Variants in CNBD1 observed in about 807,000 individuals in gnomAD.
CNBD1 encodes cyclic nucleotide binding domain containing 1.
In CNBD1, 71 loss-of-function variants were observed where a neutral mutation model predicts 54.4. The ratio of observed to expected loss-of-function variants is 1.30; its 90% confidence interval spans 1.08 to 1.59. The LOEUF is 1.59. CNBD1 is among the 40% of genes most tolerant of loss of function. The pLI is 0.00. For synonymous variants in CNBD1, 182 were observed against 170.7 expected, an observed-to-expected ratio of 1.07 and a Z score of -0.51; for missense variants, 659 against 518.0, an observed-to-expected ratio of 1.27 and a Z score of -2.64.
intron 10 of CNBD1, among the ~76,000 whole-genome samples, chr8:87,376,816 C>G (rs1259889431): frequency 6.6e-6 from 1 of 151,658 alleles, no homozygotes; most frequent in African/African-American, 2.4e-5. Context: ...GTATTGGAGC[C>G]AGAATTCGGA....
chr8:87,389,215 G>A lies in CNBD1; in HGVS notation c.213+35429G>A, dbSNP rs552731034. 1.0e-3 allele frequency among the ~76,000 whole-genome samples: 154 copies of A among 152,144 alleles called. 1 individual carries two copies. The highest frequency in any genetic ancestry group is 4.3e-3 in the Admixed American group (65 of 15,266). On this transcript the variant is annotated intron_variant, in intron 2 of 7. Coordinates refer to the CNBD1 transcript ENST00000521593. ...CAAGACAGGGATGCCCTCTCTCACC[G>A]CTGCTATTCAACATAGTGTTGGAAG... is the stretch of plus-strand genomic sequence containing the variant.
At chr8:87,192,886 C>T (rs1305622929) in intron 4 of CNBD1, among the ~76,000 whole-genome samples, 3 of 152,078 alleles carry the variant, frequency 2.0e-5, no homozygotes, top group Non-Finnish European at 4.4e-5. Flanking sequence ...TATGTGTGTT[C>T]ATATGTGTAT....
intron 4 of CNBD1, among the ~76,000 whole-genome samples, chr8:87,083,585 CTTTTTTTTTTTTTT>C (rs752855766): frequency 8.5e-6 from 1 of 117,162 alleles, no homozygotes; most frequent in African/African-American, 3.3e-5. Flanking sequence ...CAATGTATTT[CTTTTTTTTTTTTTT>C]TTTTTTTGAG....
At chr8:87,395,656 A>T (rs531194290) in intron 2 of CNBD1, among the ~76,000 whole-genome samples, 1 of 151,920 alleles carries the variant, frequency 6.6e-6, no homozygotes, top group African/African-American at 2.4e-5. Flanking sequence ...TATCACAGGC[A>T]TAAGAACACA....
chr8:87,059,786 C>G (rs1810504521), intron 4 of CNBD1, among the ~76,000 whole-genome samples: 1 of 152,194 alleles, frequency 6.6e-6, no homozygotes, highest in Admixed American at 6.5e-5. Flanking sequence ...CACAGCCAGA[C>G]CATATCAGGC....
At chr8:87,387,847 T>C (rs537640342), downstream of CNBD1, among the ~76,000 whole-genome samples, 45 of 152,278 alleles carry the variant, frequency 3.0e-4, no homozygotes, top group African/African-American at 1.0e-3. Flanking sequence ...ATTGACCACA[T>C]AGTTGGAAGT....
rs1036975470 is a variant in CNBD1 at position 87,328,355 on chromosome 8, T to C, written c.1043-23330T>C. On this transcript the variant is annotated intron_variant, in intron 8 of 10. Transcript: ENST00000518476. ...AATATAATTATTTTGTTTAATCTTTTAACTACTTTATTTAATATTTAATAC... is the reference window on the plus strand; with the variant it reads ...AATATAATTATTTTGTTTAATCTTTCAACTACTTTATTTAATATTTAATAC... Among the ~76,000 whole-genome samples the C allele has an allele frequency of 1.9e-4, 29 of 152,132 alleles. No individual in the cohort carries two copies. The East Asian group carries it at 5.0e-3, about 26-fold the overall frequency.
At chr8:87,231,629 A>ACT (rs112309164) in intron 5 of CNBD1, among the ~76,000 whole-genome samples, 3,355 of 152,208 alleles carry the variant, frequency 0.022, 111 homozygotes, top group African/African-American at 0.073. Flanking sequence ...TCTTGTGAAC[A>ACT]GATTTTTTTC....
At chr8:86,986,317 A>C (rs2130518373) in intron 4 of CNBD1, among the ~76,000 whole-genome samples, 1 of 152,294 alleles carries the variant, frequency 6.6e-6, no homozygotes, top group Admixed American at 6.5e-5. Context: ...TCTTCTTTTA[A>C]GAAGTATCTG....
intron 1 of CNBD1, among the ~76,000 whole-genome samples, chr8:86,870,189 C>CATTTTTTTTTTTTTTT (rs1554626453): frequency 9.9e-6 from 1 of 100,624 alleles, no homozygotes; most frequent in African/African-American, 4.0e-5. Context: ...AGATAGTACT[C>CATTTTTTTTTTTTTTT]TTTTTTTTTT....
In CNBD1 at chr8:87,182,895, T is replaced by A. The variant is rs1424257306; in HGVS notation, c.432-23098T>A. Among the ~76,000 whole-genome samples the A allele has an allele frequency of 2.0e-5, 3 of 152,192 alleles. No homozygotes were observed. The highest frequency in any genetic ancestry group is 4.4e-5 in the Non-Finnish European group (3 of 68,030). ...TTCTTTCTTTGTCCTGTGCAGAACCTCTTTGGTTTAATTAGGTTACACTTA... is the reference window on the plus strand; with the variant it reads ...TTCTTTCTTTGTCCTGTGCAGAACCACTTTGGTTTAATTAGGTTACACTTA... On this transcript the variant is annotated intron_variant, in intron 4 of 10. Transcript: ENST00000518476. The surrounding 1 kb of genome is among the most constrained non-coding windows in gnomAD (Gnocchi z 4.1).
At chr8:87,206,552 T>C (rs537196058) in intron 5 of CNBD1, among the ~76,000 whole-genome samples, 1 of 152,218 alleles carries the variant, frequency 6.6e-6, no homozygotes, top group South Asian at 2.1e-4. Flanking sequence ...AACAATATAG[T>C]GTTGATTTTC....
At chr8:87,394,693 C>G (rs1221977097) in intron 2 of CNBD1, among the ~76,000 whole-genome samples, 2 of 151,782 alleles carry the variant, frequency 1.3e-5, no homozygotes, top group Admixed American at 6.6e-5. Context: ...TTAGAGAGCA[C>G]CTATCCATGC....
rs560752696 is a variant in CNBD1, at chr8:87,027,111, G to A, written c.431+87357G>A. Among the ~76,000 whole-genome samples, 20 of 151,894 alleles carry A rather than the reference G, an allele frequency of 1.3e-4. 1 individual carries two copies. In the South Asian group the frequency reaches 2.5e-3, roughly 19 times the overall value. On this transcript the variant is annotated intron_variant, in intron 4 of 10. Coordinates refer to ENST00000518476, the MANE Select transcript of CNBD1 (RefSeq NM_173538.3). ...TTTTTAATAAGCCAATTTGGTAAAC[G>A]CAATATATAACATAATAAATGTACG...
chr8:87,348,763 G>A (rs752401730), intron 8 of CNBD1, among the ~76,000 whole-genome samples: 45 of 152,188 alleles, frequency 3.0e-4, no homozygotes, highest in Non-Finnish European at 5.0e-4. Context: ...CTAATAGCCA[G>A]TAGGGAATTA....
At chr8:87,427,539 G>A (rs1808070680) in intron 2 of CNBD1, among the ~76,000 whole-genome samples, 1 of 151,958 alleles carries the variant, frequency 6.6e-6, no homozygotes, top group South Asian at 2.1e-4. Flanking sequence ...ATAAGCCTAG[G>A]GAATAAAAAT....
At chr8:87,142,617 TTATC>T (rs1812393055) in intron 4 of CNBD1, among the ~76,000 whole-genome samples, 1 of 152,186 alleles carries the variant, frequency 6.6e-6, no homozygotes, top group African/African-American at 2.4e-5. Flanking sequence ...AGTGCCATAT[TTATC>T]TACATATGCA....
rs140378823 is a variant in CNBD1 at position 87,004,421 on chromosome 8, C to A, written c.431+64667C>A. On this transcript the variant is annotated intron_variant, in intron 4 of 10. Coordinates refer to ENST00000518476, the MANE Select transcript of CNBD1 (RefSeq NM_173538.3). ...TAAACACAATTTTAACCTTTAAAAA[C>A]GTGTAACTTATTTGTAAAATTTCTC... is the stretch of plus-strand genomic sequence containing the variant. Among the ~76,000 whole-genome samples the A allele has an allele frequency of 4.9e-3, 739 of 152,042 alleles. 7 individuals are homozygous for A. The highest frequency in any genetic ancestry group is 0.016 in the African/African-American group (683 of 41,472).
intron 4 of CNBD1, among the ~76,000 whole-genome samples, chr8:86,974,823 T>G (rs566138572): frequency 4.1e-4 from 63 of 152,190 alleles, no homozygotes; most frequent in Middle Eastern, 3.4e-3. Context: ...ATGTTCGGTT[T>G]CTTTTTAGTT....
Sources: allele counts gnomAD v4.1 joint callset (sites outside exome capture counted in the v4.1 genomes callset), GRCh38; gene constraint gnomAD v4.1.1; non-coding constraint Gnocchi (gnomAD v3.1); transcripts MANE v1.5; gene names NCBI Gene and HGNC (gene_info 2026-07-23, HGNC 2026-07-21).